The following HTR2A variants were observed in gnomAD, a reference collection of about 807,000 sequenced individuals.
HTR2A encodes the protein 5-HT2 receptor.
Under a neutral mutation model 31.0 loss-of-function variants are expected in HTR2A, and 14 were observed. The observed-to-expected ratio is 0.45, with a 90% CI of 0.30 to 0.71. HTR2A has a LOEUF of 0.71. HTR2A is among the 30% of genes least tolerant of loss of function. The probability of loss-of-function intolerance (pLI) is 0.09; values close to 1 mark genes in which losing one functional copy is unlikely to be tolerated. For synonymous variants in HTR2A, 209 were observed against 225.2 expected (o/e 0.93, Z 0.64); for missense variants, 442 against 573.3 (o/e 0.77, Z 2.34).
At chr13:46,896,555 T>C in intron 1 of HTR2A, 119 bp downstream of exon 1, 1 of 800,106 alleles carries the variant, frequency 1.2e-6, no homozygotes, top group Non-Finnish European at 1.9e-6. Context: ...TAAGTAAAGA[T>C]TAGCAGACAA....
At chr13:46,843,437 T>G (rs777006906) in intron 3 of HTR2A, among the ~76,000 whole-genome samples, 11 of 152,164 alleles carry the variant, frequency 7.2e-5, no homozygotes, top group Non-Finnish European at 1.3e-4. Flanking sequence ...GAGAGGTCCA[T>G]TCTGTGTACC....
At chr13:46,884,705 C>T (rs688590) in intron 3 of HTR2A, among the ~76,000 whole-genome samples, 151,929 of 152,326 alleles carry the variant, frequency 1, 75,769 homozygotes, top group Middle Eastern at 1. Context: ...CAAAACTATA[C>T]AGAAATGCTT....
rs771279570 is a variant in HTR2A, at chr13:46,835,415, A to G, written c.838T>C (p.Ser280Pro). Reference sequence around the variant, plus strand: ...GAACTCTGAGGGAGGAAGCTGAAAGAAGCTAATTTGGCCCGTGTGCCAAGA... The same window carrying G: ...GAACTCTGAGGGAGGAAGCTGAAAGGAGCTAATTTGGCCCGTGTGCCAAGA... Reference protein sequence around the residue: ...SDLGTRAKLASFSFLPQSSLS... With the variant: ...SDLGTRAKLAPFSFLPQSSLS... Residue 280 changes from serine to proline, a missense_variant, in exon 4 of 4, where the codon TCT (serine) becomes CCT (proline). Physicochemically the swap from Ser to Pro is moderately conservative, Grantham distance 74. This residue lies in a region of HTR2A where 174 missense variants were observed against 195.1 expected (regional missense o/e 0.89). Transcript: ENST00000542664. The G allele has an allele frequency of 5.6e-6, 9 of 1,614,020 alleles. No homozygotes were observed. Among genetic ancestry groups the G allele is most frequent in the Non-Finnish European group, 7.6e-6 (9 of 1,180,016 alleles).
chr13:46,896,895 G>A lies in HTR2A; in HGVS notation c.-550C>T, dbSNP rs1232579208. On this transcript the variant is annotated 5_prime_UTR_variant, in exon 1 of 4. Transcript: ENST00000542664. The stretch of plus-strand genomic sequence containing the variant: ...TGTTGGCTTCCTCTGGCACGGCTCG[G>A]CTGGGTTCCTCCCTCCCTGTGCGGC... 1.8e-5 allele frequency: 26 copies of A among 1,430,178 alleles called. No homozygotes were observed. The highest frequency in any genetic ancestry group is 2.5e-5 in the Non-Finnish European group (26 of 1,056,876). The allele number at this position is 1,430,178 out of a possible 1,614,324, so 88.6% of individuals were successfully genotyped here. A position where few individuals can be genotyped will look rare whatever the true frequency, so the allele number is the denominator to read the frequency against.
At chr13:46,880,578 C>T (rs1315835787) in intron 3 of HTR2A, among the ~76,000 whole-genome samples, 1 of 152,112 alleles carries the variant, frequency 6.6e-6, no homozygotes, top group Non-Finnish European at 1.5e-5. Flanking sequence ...GTGGCTCACA[C>T]CTATAATCCC....
chr13:46,878,772 A>G (rs1950936176), intron 3 of HTR2A, among the ~76,000 whole-genome samples: 1 of 152,236 alleles, frequency 6.6e-6, no homozygotes. Context: ...ATGTGCATAT[A>G]TGTGTATGTA....
At chr13:46,875,778 C>T (rs1299144029) in intron 3 of HTR2A, among the ~76,000 whole-genome samples, 2 of 152,212 alleles carry the variant, frequency 1.3e-5, no homozygotes, top group Non-Finnish European at 2.9e-5. Flanking sequence ...AAACATAGCT[C>T]CCTGTTCATC....
At chr13:46,871,859 A>G (rs582385) in intron 3 of HTR2A, among the ~76,000 whole-genome samples, 28,038 of 152,228 alleles carry the variant, frequency 0.18, 2,764 homozygotes, top group Admixed American at 0.21. Context: ...CCAACAGTAG[A>G]AAATGGAATT....
At chr13:46,844,401 A>G (rs1950623603) in intron 3 of HTR2A, among the ~76,000 whole-genome samples, 1 of 152,250 alleles carries the variant, frequency 6.6e-6, no homozygotes. Context: ...GCTGCCAATT[A>G]GCCACATAGG....
intron 3 of HTR2A, among the ~76,000 whole-genome samples, chr13:46,852,542 C>T (rs946674864): frequency 6.6e-6 from 1 of 152,230 alleles, no homozygotes; most frequent in Non-Finnish European, 1.5e-5. Flanking sequence ...AGCTATGATG[C>T]CATTCAGACT....
intron 3 of HTR2A, among the ~76,000 whole-genome samples, chr13:46,880,675 A>G (rs527794171): frequency 2.0e-5 from 3 of 151,880 alleles, no homozygotes; most frequent in African/African-American, 7.3e-5. Context: ...CCCGTCTCCA[A>G]TAAAAATAGA....
At chr13:46,881,268 C>T (rs1238571090) in intron 3 of HTR2A, among the ~76,000 whole-genome samples, 1 of 152,126 alleles carries the variant, frequency 6.6e-6, no homozygotes, top group Non-Finnish European at 1.5e-5. Flanking sequence ...AAGTGGTGGC[C>T]CTGCGGATCC....
chr13:46,880,010 C>A (rs74595807), intron 3 of HTR2A, among the ~76,000 whole-genome samples: 5 of 150,956 alleles, frequency 3.3e-5, no homozygotes, highest in African/African-American at 7.3e-5. Flanking sequence ...GTATCAAAAA[C>A]AAAAAAAAAT....
At chr13:46,886,305 C>T (rs1951005801) in intron 3 of HTR2A, among the ~76,000 whole-genome samples, 1 of 151,170 alleles carries the variant, frequency 6.6e-6, no homozygotes, top group African/African-American at 2.4e-5. Flanking sequence ...TTCAAACTAA[C>T]CGGGTTGGAG....
chr13:46,835,783 T>C, intron 3 of HTR2A, 144 bp from the exon 4 acceptor site: 1 of 662,074 alleles, frequency 1.5e-6, no homozygotes, highest in Non-Finnish European at 2.5e-6. Context: ...AAAATTCCTT[T>C]GGACTTACAT....
chr13:46,862,120 C>T lies in HTR2A; in HGVS notation c.614-26481G>A, dbSNP rs528958213. The stretch of plus-strand genomic sequence containing the variant: ...CTGTCCAAGTTTGTAAAACAGAGAA[C>T]GAGATATGAGTAAGTTCCTTGCCAG... On this transcript the variant is annotated intron_variant, in intron 3 of 3. Transcript: ENST00000542664. Among the ~76,000 whole-genome samples the T allele has an allele frequency of 3.9e-5, 6 of 152,218 alleles. No homozygotes were observed. The East Asian group carries it at 7.7e-4, about 20-fold the overall frequency.
intron 3 of HTR2A, among the ~76,000 whole-genome samples, chr13:46,876,324 T>C (rs1019592302): frequency 5.3e-5 from 8 of 151,090 alleles, no homozygotes; most frequent in Admixed American, 4.6e-4. Flanking sequence ...TTCTGCTTTC[T>C]CAGAATTAGC....
rs1340983039 is a variant in HTR2A at position 46,896,203 on chromosome 13, GT to G, written c.-298del. Reference sequence around the variant, plus strand: ...GAACTTTTAGCATAGAGGTTGCAGGGTTTTTTTTGAGCGCTCGGGAAGATAA... The same window carrying G: ...GAACTTTTAGCATAGAGGTTGCAGGGTTTTTTTGAGCGCTCGGGAAGATAA... On this transcript the variant is annotated 5_prime_UTR_variant, in exon 2 of 4. The change creates a premature stop within an existing upstream ORF in the 5' untranslated region. Transcript: ENST00000542664. The G allele has an allele frequency of 5.4e-5, 62 of 1,151,622 alleles. No homozygotes were observed. The highest frequency in any genetic ancestry group is 1.4e-4 in the East Asian group (3 of 21,720). The allele number at this position is 1,151,622 out of a possible 1,614,324, so 71.3% of individuals were successfully genotyped here. A position where few individuals can be genotyped will look rare whatever the true frequency, so the allele number is the denominator to read the frequency against.
At chr13:46,867,996 C>A (rs1177803376) in intron 3 of HTR2A, among the ~76,000 whole-genome samples, 1 of 151,960 alleles carries the variant, frequency 6.6e-6, no homozygotes, top group Non-Finnish European at 1.5e-5. Context: ...TAGAATGGTT[C>A]ATCAATTGTC....
Sources: allele counts gnomAD v4.1 joint callset (sites outside exome capture counted in the v4.1 genomes callset), GRCh38; gene constraint gnomAD v4.1.1; regional missense constraint gnomAD v4.1.1; transcripts MANE v1.5; gene names NCBI Gene and HGNC (gene_info 2026-07-23, HGNC 2026-07-21).